The following IGF2BP3 variants were observed in gnomAD, a reference collection of about 807,000 sequenced individuals.
IGF2BP3 encodes insulin like growth factor 2 mRNA binding protein 3.
A neutral mutation model predicts 73.8 loss-of-function variants in IGF2BP3; 9 were observed. That is an observed-to-expected ratio of 0.12 (90% CI 0.07 to 0.21). IGF2BP3 has a LOEUF of 0.21. IGF2BP3 is among the 10% of genes least tolerant of loss of function. IGF2BP3 has a pLI of 1.00. For missense variants in IGF2BP3, 542 were observed against 714.0 expected (o/e 0.76, Z 2.75); for synonymous variants, 258 against 256.7 (o/e 1.01, Z -0.05).
intron 3 of IGF2BP3, among the ~76,000 whole-genome samples, chr7:23,408,845 C>G (rs189379012): frequency 1.3e-5 from 2 of 152,238 alleles, no homozygotes; most frequent in Admixed American, 1.3e-4. Context: ...GTAGAATACA[C>G]AGACAGAGGA....
intron 3 of IGF2BP3, chr7:23,365,680 C>G (rs1686921666): frequency 6.6e-6 from 1 of 152,174 alleles, no homozygotes; most frequent in Admixed American, 6.5e-5. Context: ...AGGTGATGAC[C>G]TGAGAATGCA....
chr7:23,411,551 A>T (rs545528883), intron 3 of IGF2BP3, among the ~76,000 whole-genome samples: 39 of 152,356 alleles, frequency 2.6e-4, no homozygotes, highest in African/African-American at 9.1e-4. Flanking sequence ...ACTGCACTCC[A>T]GCCTGGGCAA....
At chr7:23,432,354 T>C (rs967507269) in intron 2 of IGF2BP3, among the ~76,000 whole-genome samples, 4 of 152,232 alleles carry the variant, frequency 2.6e-5, no homozygotes, top group Non-Finnish European at 4.4e-5. Flanking sequence ...TGAAGAAACA[T>C]AGTCAAAGTT....
intron 3 of IGF2BP3, among the ~76,000 whole-genome samples, chr7:23,392,770 C>A (rs1441817817): frequency 6.6e-6 from 1 of 152,110 alleles, no homozygotes; most frequent in Non-Finnish European, 1.5e-5. Context: ...GCTGGGACTA[C>A]AGACGTGGGC....
intron 3 of IGF2BP3, among the ~76,000 whole-genome samples, chr7:23,375,181 T>C (rs1785680383): frequency 6.6e-6 from 1 of 152,168 alleles, no homozygotes; most frequent in Non-Finnish European, 1.5e-5. Flanking sequence ...ATGAATAAAC[T>C]GAGGTCGATT....
At chr7:23,336,030 G>T (rs1278193674) in intron 10 of IGF2BP3, among the ~76,000 whole-genome samples, 1 of 152,156 alleles carries the variant, frequency 6.6e-6, no homozygotes, top group South Asian at 2.1e-4. Flanking sequence ...AGAATATTGT[G>T]GGGGAACTAG....
In IGF2BP3 at chr7:23,311,549, C is replaced by T. The variant is rs1438526963; in HGVS notation, c.*813G>A. The T allele has an allele frequency of 2.0e-5, 3 of 152,300 alleles. No individual in the cohort carries two copies. The highest frequency in any genetic ancestry group is 2.9e-5 in the Non-Finnish European group (2 of 68,028). The allele number at this position is 152,300 out of a possible 1,614,324, so 9.4% of individuals were successfully genotyped here. A position where few individuals can be genotyped will look rare whatever the true frequency, so the allele number is the denominator to read the frequency against. On this transcript the variant is annotated 3_prime_UTR_variant, in exon 15 of 15. Coordinates refer to ENST00000258729, the MANE Select transcript of IGF2BP3 (RefSeq NM_006547.3). Reference sequence around the variant, plus strand: ...AGTGCTGCTCTCCAGATACTAGGCACTGCTCCGTATTTTTGAACATTTGAT... The same window carrying T: ...AGTGCTGCTCTCCAGATACTAGGCATTGCTCCGTATTTTTGAACATTTGAT...
At chr7:23,344,312 G>A (rs1339501435) in intron 8 of IGF2BP3, among the ~76,000 whole-genome samples, 1 of 152,130 alleles carries the variant, frequency 6.6e-6, no homozygotes, top group Non-Finnish European at 1.5e-5. Flanking sequence ...TGCATTTTCT[G>A]GGTCACCAAG....
rs531868406 is a variant in IGF2BP3, at chr7:23,402,772, T to C, written c.285+16004A>G. 13 of 152,348 alleles carry C rather than the reference T, an allele frequency of 8.5e-5. No individual in the cohort carries two copies. The South Asian group carries it at 2.7e-3, about 32-fold the overall frequency. The allele number at this position is 152,348 out of a possible 1,614,324, so 9.4% of individuals were successfully genotyped here. A position where few individuals can be genotyped will look rare whatever the true frequency, so the allele number is the denominator to read the frequency against. On this transcript the variant is annotated intron_variant, in intron 3 of 14. Transcript: ENST00000258729. Reference sequence around the variant, plus strand: ...AAAATTTCATTGTAATAATTTATTTTCATTGTGTTTTACAAAAAAGTCAGT... The same window carrying C: ...AAAATTTCATTGTAATAATTTATTTCCATTGTGTTTTACAAAAAAGTCAGT...
chr7:23,396,749 A>G (rs983802987), intron 3 of IGF2BP3, among the ~76,000 whole-genome samples: 4 of 152,210 alleles, frequency 2.6e-5, no homozygotes, highest in Non-Finnish European at 5.9e-5. Flanking sequence ...AATGTATGCA[A>G]AAAGTCCTGA....
At chr7:23,439,079 C>T (rs1787870049) in intron 2 of IGF2BP3, among the ~76,000 whole-genome samples, 1 of 151,906 alleles carries the variant, frequency 6.6e-6, no homozygotes, top group Admixed American at 6.6e-5. Flanking sequence ...CTCATCTCAA[C>T]AAAAATTTTT....
At chr7:23,450,969 T>C (rs1458817718) in intron 2 of IGF2BP3, among the ~76,000 whole-genome samples, 1 of 152,192 alleles carries the variant, frequency 6.6e-6, no homozygotes, top group Non-Finnish European at 1.5e-5. Context: ...ACTCCTTCCT[T>C]TTCTAAACAC....
intron 10 of IGF2BP3, among the ~76,000 whole-genome samples, chr7:23,340,570 A>C (rs962083044): frequency 2.6e-5 from 4 of 152,234 alleles, no homozygotes; most frequent in Non-Finnish European, 5.9e-5. Flanking sequence ...AATTGGTGTA[A>C]GAGGTATCAC....
chr7:23,317,629 G>A lies in IGF2BP3; in HGVS notation c.1395+10C>T, dbSNP rs1562666490. On this transcript the variant is annotated intron_variant, in intron 12 of 14. Coordinates refer to ENST00000258729, the MANE Select transcript of IGF2BP3 (RefSeq NM_006547.3). ...ACCTGTGGACATAGCACATACTCTA[G>A]AGCACATACCTTGAACTGAGCCTCT... 2 of 1,610,878 alleles carry A rather than the reference G, an allele frequency of 1.2e-6. No homozygotes were observed. The highest frequency in any genetic ancestry group is 1.7e-6 in the Non-Finnish European group (2 of 1,177,152).
At chr7:23,371,954 A>AAG (rs1785561824) in intron 3 of IGF2BP3, among the ~76,000 whole-genome samples, 1 of 152,218 alleles carries the variant, frequency 6.6e-6, no homozygotes, top group Non-Finnish European at 1.5e-5. Flanking sequence ...TCCAGAGCTT[A>AAG]AGGGGCTTAC....
rs1783888793 is a variant in IGF2BP3, at chr7:23,313,444, TCGGGGAC to T, written c.1527+71_1527+77del. On this transcript the variant is annotated intron_variant, in intron 13 of 14. Transcript: ENST00000258729. ...CTGCTTTTTATAAATTAGCCAAAAT[TCGGGGAC>T]TTGGAACTCCTAAGTACCTTTCAAC... 8 of 1,495,364 alleles carry T rather than the reference TCGGGGAC, an allele frequency of 5.3e-6. No individual in the cohort carries two copies. In the African/African-American group the frequency reaches 7.0e-5, roughly 13 times the overall value. The allele number at this position is 1,495,364 out of a possible 1,614,324, so 92.6% of individuals were successfully genotyped here. A position where few individuals can be genotyped will look rare whatever the true frequency, so the allele number is the denominator to read the frequency against.
At chr7:23,390,783 C>T (rs1267322968) in intron 3 of IGF2BP3, among the ~76,000 whole-genome samples, 1 of 150,266 alleles carries the variant, frequency 6.7e-6, no homozygotes, top group Non-Finnish European at 1.5e-5. Flanking sequence ...TTTTTGTCAC[C>T]TTGGATTTAT....
chr7:23,331,195 A>G (rs1784436032), intron 10 of IGF2BP3, among the ~76,000 whole-genome samples: 1 of 152,230 alleles, frequency 6.6e-6, no homozygotes, highest in Admixed American at 6.5e-5. Flanking sequence ...ATGTACTACC[A>G]TGATGATTTG....
At position 23,314,049 on chromosome 7, in the gene IGF2BP3, T is replaced by G. The variant is rs550351283; in HGVS notation, c.1396-396A>C. Among the ~76,000 whole-genome samples the G allele has an allele frequency of 3.2e-4, 48 of 152,294 alleles. 1 individual carries two copies. The highest frequency in any genetic ancestry group is 1.2e-3 in the South Asian group (6 of 4,818). On this transcript the variant is annotated intron_variant, in intron 12 of 14. Transcript: ENST00000258729. ...TCTTTCCTTTTTGTTGGAGTCAGGG[T>G]CCTCCTGTTGTCCAGGCTGGAGTGC... is the stretch of plus-strand genomic sequence containing the variant.
Sources: allele counts gnomAD v4.1 joint callset (sites outside exome capture counted in the v4.1 genomes callset), GRCh38; gene constraint gnomAD v4.1.1; transcripts MANE v1.5; gene names NCBI Gene and HGNC (gene_info 2026-07-23, HGNC 2026-07-21).